PALLD: variants seen among roughly 807,000 people sequenced by gnomAD.
PALLD encodes palladin.
Under a neutral mutation model 123.5 loss-of-function variants are expected in PALLD, and 61 were observed. That is an observed-to-expected ratio of 0.49 (90% CI 0.40 to 0.61). The LOEUF (loss-of-function observed/expected upper bound fraction) is 0.61, where lower values mean the gene tolerates loss of function less well. Ranked by LOEUF, PALLD falls within the 20% of genes least tolerant of loss-of-function variation. The pLI, the probability that PALLD is intolerant of heterozygous loss-of-function variation, is 0.00. For missense variants in PALLD, 1,273 were observed against 1,377.0 expected (o/e 0.92, Z 1.20); for synonymous variants, 465 against 496.4 (o/e 0.94, Z 0.84).
At chr4:168,810,993 CA>C (rs1162214731) in intron 10 of PALLD, among the ~76,000 whole-genome samples, 9 of 151,930 alleles carry the variant, frequency 5.9e-5, no homozygotes, top group Non-Finnish European at 1.5e-5. Flanking sequence ...AGGTTAAGGA[CA>C]AAAAAATTGA....
chr4:168,796,365 G>T (rs539650986), intron 10 of PALLD, among the ~76,000 whole-genome samples: 1 of 152,352 alleles, frequency 6.6e-6, no homozygotes, highest in African/African-American at 2.4e-5. Context: ...TCAGAGCCCA[G>T]TGCAAAGGAG....
At chr4:168,852,808 C>G (rs62332977) in intron 10 of PALLD, among the ~76,000 whole-genome samples, 93,666 of 151,364 alleles carry the variant, frequency 0.62, 33,009 homozygotes, top group East Asian at 0.95. Context: ...GCTACAATTT[C>G]TCTTAATTCC....
intron 1 of PALLD, among the ~76,000 whole-genome samples, chr4:168,502,194 A>G (rs1761481610): frequency 6.6e-6 from 1 of 152,244 alleles, no homozygotes; most frequent in Non-Finnish European, 1.5e-5. Context: ...TTTTTAGCTA[A>G]AAACATCTGA....
chr4:168,862,619 A>G (rs2151035990), intron 10 of PALLD, among the ~76,000 whole-genome samples: 1 of 152,318 alleles, frequency 6.6e-6, no homozygotes, highest in East Asian at 1.9e-4. Context: ...ACTTGATGGC[A>G]GTATTTTGTT....
chr4:168,752,014 G>C (rs939446886), intron 10 of PALLD, among the ~76,000 whole-genome samples: 1 of 152,192 alleles, frequency 6.6e-6, no homozygotes, highest in East Asian at 1.9e-4. Context: ...TAACAGATCC[G>C]GGCTCTGTCG....
At chr4:168,782,019 C>G (rs943767460) in intron 10 of PALLD, among the ~76,000 whole-genome samples, 17 of 152,114 alleles carry the variant, frequency 1.1e-4, no homozygotes, top group African/African-American at 4.1e-4. Context: ...AGATTCATGC[C>G]TGGTTTGCTT....
chr4:168,896,028 G>A (rs1232256409), intron 12 of PALLD, among the ~76,000 whole-genome samples: 1 of 152,182 alleles, frequency 6.6e-6, no homozygotes, highest in African/African-American at 2.4e-5. Flanking sequence ...TGACCAACAT[G>A]GTGAAACCCC....
chr4:168,892,364 CTATAAT>C (rs148806479), intron 11 of PALLD, among the ~76,000 whole-genome samples: 3,349 of 152,178 alleles, frequency 0.022, 125 homozygotes, highest in African/African-American at 0.074. Flanking sequence ...AGAAAGCTCT[CTATAAT>C]TATGTTTTCT....
At chr4:168,622,083 T>C (rs1036468129) in intron 2 of PALLD, among the ~76,000 whole-genome samples, 2 of 152,160 alleles carry the variant, frequency 1.3e-5, no homozygotes, top group Non-Finnish European at 2.9e-5. Flanking sequence ...AAGAAGATTC[T>C]GCTTTAAAAA....
intron 10 of PALLD, among the ~76,000 whole-genome samples, chr4:168,714,453 A>G (rs1032071808): frequency 3.9e-5 from 6 of 152,244 alleles, no homozygotes; most frequent in East Asian, 3.8e-4. Context: ...GAGAAATACT[A>G]TTGAATGACA....
chr4:168,515,090 T>C (rs1490406742), intron 2 of PALLD, among the ~76,000 whole-genome samples: 1 of 152,204 alleles, frequency 6.6e-6, no homozygotes, highest in African/African-American at 2.4e-5. Flanking sequence ...TTGTATCCTA[T>C]AGAGTTTTTT....
intron 10 of PALLD, chr4:168,863,771 C>T (rs1581811291): frequency 1.3e-5 from 2 of 152,254 alleles, no homozygotes; most frequent in Admixed American, 1.3e-4. Flanking sequence ...CAAATGTCCA[C>T]ACCAAAGAAA....
chr4:168,831,949 C>A, intron 10 of PALLD: 1 of 947,982 alleles, frequency 1.1e-6, no homozygotes, highest in Non-Finnish European at 1.3e-6. Context: ...CTGGGGGCCG[C>A]GTCCCAGAGC....
Position 168,689,432 on chromosome 4 carries a change from C to CTTTTTTTTT in PALLD, c.1336-1146_1336-1138dup, listed in dbSNP as rs70961551. On this transcript the variant is annotated intron_variant, in intron 6 of 21. Transcript: ENST00000505667. ...TACACCTTACATTCGATCCAATATT[C>CTTTTTTTTT]TTTTTTTTTTTTTTTTTTTTTTTTT... Among the ~76,000 whole-genome samples the CTTTTTTTTT allele has an allele frequency of 2.3e-3, 115 of 49,856 alleles. 19 individuals are homozygous for CTTTTTTTTT. The highest frequency in any genetic ancestry group is 0.018 in the Middle Eastern group (1 of 56). 32.7% of individuals were successfully genotyped at this position (49,856 alleles called of 152,430 possible).
chr4:168,860,328 C>T (rs1286615375), intron 10 of PALLD, among the ~76,000 whole-genome samples: 6 of 152,142 alleles, frequency 3.9e-5, no homozygotes, highest in East Asian at 3.8e-4. Context: ...GAAGCCCCCT[C>T]GGACTCCCAG....
intron 10 of PALLD, among the ~76,000 whole-genome samples, chr4:168,748,058 C>A (rs1463169254): frequency 6.6e-6 from 1 of 152,154 alleles, no homozygotes; most frequent in African/African-American, 2.4e-5. Flanking sequence ...GACGGAGGAA[C>A]AGGAGAAAAT....
At chr4:168,506,515 C>T (rs1291050997) in intron 1 of PALLD, among the ~76,000 whole-genome samples, 2 of 152,148 alleles carry the variant, frequency 1.3e-5, no homozygotes, top group Non-Finnish European at 2.9e-5. Context: ...TATAATAACT[C>T]ATTTCTTCTT....
intron 7 of PALLD, 104 bp downstream of exon 7, chr4:168,690,848 C>A (rs2150123208): frequency 8.6e-7 from 1 of 1,164,756 alleles, no homozygotes; most frequent in Non-Finnish European, 1.3e-6. Flanking sequence ...TCTCTATGTT[C>A]AAAGAGTGGC....
At chr4:168,765,625 T>C (rs1361725740) in intron 10 of PALLD, among the ~76,000 whole-genome samples, 1 of 152,230 alleles carries the variant, frequency 6.6e-6, no homozygotes, top group African/African-American at 2.4e-5. Flanking sequence ...GCTAACTTAC[T>C]GTTTGCCACA....
Sources: gnomAD v4.1 joint callset for allele counts (sites outside exome capture counted in the v4.1 genomes callset) on GRCh38, gnomAD v4.1.1 for gene constraint, MANE v1.5 for transcripts, NCBI Gene and HGNC (gene_info 2026-07-23, HGNC 2026-07-21) for gene names.